Variants in ATP8B4 observed in about 807,000 individuals in gnomAD.
The protein encoded by ATP8B4 is ATPase phospholipid transporting 8B4 (putative), also known as probable phospholipid-transporting ATPase IM.
In ATP8B4, 133 loss-of-function variants were observed where a neutral mutation model predicts 145.6. The observed-to-expected ratio is 0.91, with a 90% CI of 0.79 to 1.05. The LOEUF is 1.05. Ranked by LOEUF, ATP8B4 falls within the 50% of genes least tolerant of loss-of-function variation. The pLI is 0.00. For synonymous variants in ATP8B4, 507 were observed against 492.9 expected (o/e 1.03, Z -0.38); for missense variants, 1,458 against 1,425.2 (o/e 1.02, Z -0.37).
At chr15:49,870,638 A>G (rs894653928) in intron 25 of ATP8B4, among the ~76,000 whole-genome samples, 10 of 152,200 alleles carry the variant, frequency 6.6e-5, no homozygotes, top group African/African-American at 2.4e-4. Flanking sequence ...GAGCTTATTC[A>G]CAGAATTCCT....
At chr15:50,037,942 T>C (rs2050962118) in intron 6 of ATP8B4, among the ~76,000 whole-genome samples, 1 of 152,236 alleles carries the variant, frequency 6.6e-6, no homozygotes, top group Non-Finnish European at 1.5e-5. Flanking sequence ...TTGATATCTT[T>C]AGCATTTTCC....
chr15:50,120,983 T>G (rs139099015), upstream of ATP8B4, among the ~76,000 whole-genome samples: 3 of 152,170 alleles, frequency 2.0e-5, no homozygotes, highest in African/African-American at 7.2e-5. Flanking sequence ...AAGTAGAGAC[T>G]CAATAAATTT....
chr15:50,041,508 C>T (rs1178957433), intron 5 of ATP8B4, among the ~76,000 whole-genome samples: 10 of 152,202 alleles, frequency 6.6e-5, no homozygotes, highest in African/African-American at 1.9e-4. Flanking sequence ...CACTGACCTT[C>T]AGAAGACAAT....
At chr15:50,087,465 T>C (rs1379101727) in intron 2 of ATP8B4, among the ~76,000 whole-genome samples, 1 of 148,584 alleles carries the variant, frequency 6.7e-6, no homozygotes, top group Non-Finnish European at 1.5e-5. Context: ...CTCATATTCT[T>C]GAGAGGTGAT....
intron 2 of ATP8B4, among the ~76,000 whole-genome samples, chr15:50,087,281 AATAATATATAGATCT>A (rs2055250600): frequency 7.7e-6 from 1 of 130,124 alleles, no homozygotes; most frequent in South Asian, 2.2e-4. Context: ...TATATAATAG[AATAATATATAGATCT>A]ATATCTATTA....
chr15:49,864,060 A>AAAT (rs2153374432), intron 26 of ATP8B4, among the ~76,000 whole-genome samples: 1 of 152,304 alleles, frequency 6.6e-6, no homozygotes, highest in East Asian at 1.9e-4. Flanking sequence ...AATAAAACAA[A>AAAT]AATAGTTTTG....
At chr15:50,022,684 A>G (rs1019363624) in intron 6 of ATP8B4, among the ~76,000 whole-genome samples, 1 of 151,962 alleles carries the variant, frequency 6.6e-6, no homozygotes, top group Non-Finnish European at 1.5e-5. Flanking sequence ...AGAGTGCCCC[A>G]AAAAATCCTC....
chr15:49,903,195 T>C (rs182097985), intron 20 of ATP8B4, among the ~76,000 whole-genome samples: 32 of 152,330 alleles, frequency 2.1e-4, no homozygotes, highest in African/African-American at 7.2e-4. Flanking sequence ...TTCTTTTTCT[T>C]CCTGGAATTT....
At chr15:50,041,913 T>C (rs1275347106) in intron 5 of ATP8B4, among the ~76,000 whole-genome samples, 2 of 149,048 alleles carry the variant, frequency 1.3e-5, no homozygotes, top group African/African-American at 2.5e-5. Flanking sequence ...GCACTCCAGC[T>C]TGGGTGACAG....
intron 1 of ATP8B4, among the ~76,000 whole-genome samples, chr15:50,161,200 T>C (rs538917811): frequency 6.6e-6 from 1 of 152,142 alleles, no homozygotes; most frequent in Non-Finnish European, 1.5e-5. Context: ...CTCCTCTTTT[T>C]GGTTTCCATT....
At chr15:50,075,891 A>T (rs1309455612) in intron 2 of ATP8B4, among the ~76,000 whole-genome samples, 1 of 152,228 alleles carries the variant, frequency 6.6e-6, no homozygotes, top group Non-Finnish European at 1.5e-5. Context: ...ACCCAGAAGT[A>T]GTAAAATTGC....
At chr15:50,172,486 C>A (rs2044692155) in intron 1 of ATP8B4, among the ~76,000 whole-genome samples, 1 of 152,240 alleles carries the variant, frequency 6.6e-6, no homozygotes, top group Non-Finnish European at 1.5e-5. Flanking sequence ...GTGATCTCGG[C>A]TCGCTACAAC....
At chr15:50,078,549 A>G (rs2054337704) in intron 2 of ATP8B4, among the ~76,000 whole-genome samples, 1 of 151,784 alleles carries the variant, frequency 6.6e-6, no homozygotes, top group Non-Finnish European at 1.5e-5. Flanking sequence ...GAAAATGTGA[A>G]AAAAAAAACT....
At chr15:50,126,932 G>C (rs8031195) in intron 1 of ATP8B4, among the ~76,000 whole-genome samples, 13,672 of 152,194 alleles carry the variant, frequency 0.09, 727 homozygotes, top group African/African-American at 0.14. Context: ...GGGGGAACTG[G>C]AGACTGAAAT....
At chr15:50,078,975 C>G (rs1046320381) in intron 2 of ATP8B4, among the ~76,000 whole-genome samples, 1 of 152,146 alleles carries the variant, frequency 6.6e-6, no homozygotes, top group Non-Finnish European at 1.5e-5. Context: ...ATCTACAAAA[C>G]AGCTACTCAA....
At chr15:50,163,011 CTGAATTCCTTCCCTGTGTTATCT>C (rs1381239083) in intron 1 of ATP8B4, among the ~76,000 whole-genome samples, 1 of 152,162 alleles carries the variant, frequency 6.6e-6, no homozygotes, top group Non-Finnish European at 1.5e-5. Context: ...TGATAGGATT[CTGAATTCCTTCCCTGTGTTATCT>C]TGAATTCCAT....
At chr15:50,138,466 TAGATAGAC>T (rs2044162568) in intron 1 of ATP8B4, among the ~76,000 whole-genome samples, 2 of 151,524 alleles carry the variant, frequency 1.3e-5, no homozygotes, top group African/African-American at 4.9e-5. Flanking sequence ...GATAGACAGA[TAGATAGAC>T]AGACAGATAG....
chr15:50,137,570 T>G (rs931103577), intron 1 of ATP8B4, among the ~76,000 whole-genome samples: 1 of 152,228 alleles, frequency 6.6e-6, no homozygotes, highest in Admixed American at 6.5e-5. Context: ...TGCTCTAAGA[T>G]CTGAATCACT....
At chr15:50,022,522 G>A (rs2049660544) in intron 6 of ATP8B4, among the ~76,000 whole-genome samples, 1 of 152,228 alleles carries the variant, frequency 6.6e-6, no homozygotes, top group Non-Finnish European at 1.5e-5. Flanking sequence ...TGCTATGTCT[G>A]CTCTTAACAA....
Sources: allele counts gnomAD v4.1 joint callset (sites outside exome capture counted in the v4.1 genomes callset), GRCh38; gene constraint gnomAD v4.1.1; transcripts MANE v1.5; gene names NCBI Gene and HGNC (gene_info 2026-07-23, HGNC 2026-07-21).